Variants in ZDHHC15 observed in about 807,000 individuals in gnomAD.
The protein encoded by ZDHHC15 is palmitoyltransferase ZDHHC15.
ZDHHC15 carries 19 observed loss-of-function variants against 31.7 expected under a neutral mutation model. That is an observed-to-expected ratio of 0.60 (90% CI 0.42 to 0.88). The LOEUF is 0.88. Ranked by LOEUF, ZDHHC15 falls within the 40% of genes least tolerant of loss-of-function variation. ZDHHC15 has a pLI of 0.00. For missense variants in ZDHHC15, 209 were observed against 251.2 expected, an observed-to-expected ratio of 0.83 and a Z score of 1.14; for synonymous variants, 103 against 90.0, an observed-to-expected ratio of 1.14 and a Z score of -0.82.
At chrX:75,519,361 C>CT (rs1260533690) in intron 1 of ZDHHC15, among the ~76,000 whole-genome samples, 2 of 111,231 alleles carry the variant, frequency 1.8e-5, no homozygotes, top group African/African-American at 6.5e-5. Context: ...GTGATGCATG[C>CT]TTTTCAGGCA....
At chrX:75,490,267 C>T (rs930028615) in intron 2 of ZDHHC15, among the ~76,000 whole-genome samples, 14 of 111,232 alleles carry the variant, frequency 1.3e-4, no homozygotes, top group Non-Finnish European at 2.3e-4. Context: ...TCGAGAAGAG[C>T]AACTCCAAGA....
At chrX:75,506,754 T>C (rs1279876122) in intron 1 of ZDHHC15, among the ~76,000 whole-genome samples, 1 of 112,558 alleles carries the variant, frequency 8.9e-6, no homozygotes, top group East Asian at 2.8e-4. Flanking sequence ...TTGGTTCCAC[T>C]AGGCCCTGAA....
intron 2 of ZDHHC15, among the ~76,000 whole-genome samples, chrX:75,496,704 C>A (rs1166935431): frequency 9.0e-6 from 1 of 111,487 alleles, no homozygotes; most frequent in Non-Finnish European, 1.9e-5. Flanking sequence ...CCAAAAGGAA[C>A]CTTCAAAACT....
intron 2 of ZDHHC15, among the ~76,000 whole-genome samples, chrX:75,485,298 A>C (rs1245803027): frequency 9.0e-6 from 1 of 110,659 alleles, no homozygotes; most frequent in East Asian, 2.8e-4. Context: ...GACATTTGGC[A>C]AAAAAAAGAT....
chrX:75,465,530 T>C (rs1483286446), intron 3 of ZDHHC15, among the ~76,000 whole-genome samples: 2 of 111,408 alleles, frequency 1.8e-5, no homozygotes, highest in East Asian at 2.8e-4. Flanking sequence ...AAAGGCACCA[T>C]GCTACAGACT....
chrX:75,487,599 T>A (rs182907117), intron 2 of ZDHHC15, among the ~76,000 whole-genome samples: 1 of 111,696 alleles, frequency 9.0e-6, no homozygotes, highest in African/African-American at 3.2e-5. Context: ...GAAAAACAAT[T>A]CTGGTAATAT....
intron 2 of ZDHHC15, among the ~76,000 whole-genome samples, chrX:75,485,530 C>T (rs943857953): frequency 5.4e-5 from 6 of 110,452 alleles, no homozygotes; most frequent in African/African-American, 1.6e-4. Flanking sequence ...GCTCAATATA[C>T]GCCCCACCAT....
chrX:75,444,673 TATATATATATATATACAC>T (rs2084004401), intron 4 of ZDHHC15, among the ~76,000 whole-genome samples: 1 of 44,071 alleles, frequency 2.3e-5, no homozygotes, highest in East Asian at 9.7e-4. Context: ...TATATATATA[TATATATATATATATACAC>T]ACACACACAC....
intron 3 of ZDHHC15, among the ~76,000 whole-genome samples, chrX:75,457,527 T>A (rs1007787181): frequency 3.6e-5 from 4 of 110,807 alleles, no homozygotes; most frequent in Non-Finnish European, 7.5e-5. Flanking sequence ...TCATTATCTA[T>A]TTATGCTAAA....
chrX:75,486,018 T>C (rs2084772239), intron 2 of ZDHHC15, among the ~76,000 whole-genome samples: 1 of 109,567 alleles, frequency 9.1e-6, no homozygotes, highest in African/African-American at 3.4e-5. Flanking sequence ...CAAGACCCAC[T>C]GCAAGAACAT....
At chrX:75,511,629 G>T (rs1349774207) in intron 1 of ZDHHC15, among the ~76,000 whole-genome samples, 12 of 105,878 alleles carry the variant, frequency 1.1e-4, no homozygotes. Context: ...TGCTTTTGGT[G>T]TTTTGGACAT....
In ZDHHC15 at chrX:75,372,953, T is replaced by C. The variant is rs1309660449; in HGVS notation, c.*33-8A>G. Reference sequence around the variant, plus strand: ...AGGCAGAGATGGTGAGTCCTGGGAATGAAGAGAAGAAATTCACAGATGAGC... The same window carrying C: ...AGGCAGAGATGGTGAGTCCTGGGAACGAAGAGAAGAAATTCACAGATGAGC... On this transcript the variant is annotated splice_polypyrimidine_tract_variant and splice_region_variant and intron_variant, in intron 11 of 11. Transcript: ENST00000373367. 8.9e-6 allele frequency: 1 copy of C among 111,836 alleles called. No individual in the cohort carries two copies. The highest frequency in any genetic ancestry group is 1.9e-5 in the Non-Finnish European group (1 of 53,100). The allele number at this position is 111,836 out of a possible 1,213,427, so 9.2% of individuals were successfully genotyped here.
intron 3 of ZDHHC15, among the ~76,000 whole-genome samples, chrX:75,468,037 C>A (rs1044287071): frequency 1.4e-5 from 1 of 73,935 alleles, no homozygotes; most frequent in African/African-American, 4.6e-5. Flanking sequence ...TTTCAACTGG[C>A]ATAATTTTTT....
At chrX:75,488,123 C>T (rs2084807917) in intron 2 of ZDHHC15, among the ~76,000 whole-genome samples, 1 of 111,893 alleles carries the variant, frequency 8.9e-6, no homozygotes, top group Non-Finnish European at 1.9e-5. Context: ...AGAAAAACTT[C>T]CCTGGTCTTG....
intron 4 of ZDHHC15, among the ~76,000 whole-genome samples, chrX:75,443,259 C>T (rs749051266): frequency 9.1e-6 from 1 of 110,165 alleles, no homozygotes; most frequent in Non-Finnish European, 1.9e-5. Flanking sequence ...TGTTTTGGTA[C>T]CAAAACAGAG....
At chrX:75,467,448 T>G (rs1012768727) in intron 3 of ZDHHC15, among the ~76,000 whole-genome samples, 1 of 112,469 alleles carries the variant, frequency 8.9e-6, no homozygotes, top group African/African-American at 3.2e-5. Context: ...TATTGAAAAC[T>G]TATAATACAG....
In ZDHHC15 at chrX:75,383,739, T is replaced by TG. The variant is rs1457452620; in HGVS notation, c.968-4542_968-4541insC. 2.7e-4 allele frequency among the ~76,000 whole-genome samples: 23 copies of TG among 85,871 alleles called. No individual in the cohort carries two copies. In the East Asian group the frequency reaches 6.5e-3, roughly 24 times the overall value. The allele number at this position is 85,871 out of a possible 115,157, so 74.6% of individuals were successfully genotyped here. A position where few individuals can be genotyped will look rare whatever the true frequency, so the allele number is the denominator to read the frequency against. On this transcript the variant is annotated intron_variant, in intron 10 of 11. Coordinates refer to ENST00000373367, the MANE Select transcript of ZDHHC15 (RefSeq NM_144969.3). Reference sequence around the variant, plus strand: ...CCCAAATTTAAGAAATGTTAGGTTTTTTTTTTTTTTTTTTTTTGAGATGGA... The same window carrying TG: ...CCCAAATTTAAGAAATGTTAGGTTTTGTTTTTTTTTTTTTTTTTGAGATGGA...
chrX:75,445,478 C>T (rs2084020984), intron 4 of ZDHHC15, among the ~76,000 whole-genome samples: 1 of 111,904 alleles, frequency 8.9e-6, no homozygotes, highest in African/African-American at 3.3e-5. Flanking sequence ...ATGAGGTTGG[C>T]TTGTAGCTTC....
At chrX:75,442,697 C>G (rs1314664942) in intron 4 of ZDHHC15, among the ~76,000 whole-genome samples, 1 of 111,752 alleles carries the variant, frequency 8.9e-6, no homozygotes, top group Non-Finnish European at 1.9e-5. Flanking sequence ...TAGAAAAAAT[C>G]AATATTGGGC....
Sources: allele counts gnomAD v4.1 joint callset (sites outside exome capture counted in the v4.1 genomes callset), GRCh38; gene constraint gnomAD v4.1.1; transcripts MANE v1.5; gene names NCBI Gene and HGNC (gene_info 2026-07-23, HGNC 2026-07-21).